CPSF7: variants seen among roughly 807,000 people sequenced by gnomAD.
CPSF7 encodes the protein cleavage and polyadenylation specific factor 7.
CPSF7 carries 1 observed loss-of-function variant against 44.3 expected under a neutral mutation model. The ratio of observed to expected loss-of-function variants is 0.02; its 90% CI spans 0.01 to 0.11. The LOEUF (loss-of-function observed/expected upper bound fraction) is 0.11, where lower values mean the gene tolerates loss of function less well. Ranked by LOEUF, CPSF7 falls within the 10% of genes least tolerant of loss-of-function variation. CPSF7 has a pLI of 1.00. For missense variants in CPSF7, 443 were observed against 607.2 expected (o/e 0.73, Z 2.84); for synonymous variants, 202 against 222.0 (o/e 0.91, Z 0.80).
chr11:61,403,265 T>C lies in CPSF7; in HGVS notation c.*1445A>G, dbSNP rs1018796802. On this transcript the variant is annotated 3_prime_UTR_variant, in exon 10 of 10. Coordinates refer to ENST00000439958, the MANE Select transcript of CPSF7 (RefSeq NM_001142565.3). ...CCCAGAAGGGTCTCTAGTGACCCTA[T>C]GTCTCACATGCCAAGTCTCATCTCA... is the stretch of plus-strand genomic sequence containing the variant. 2.1e-4 allele frequency: 32 copies of C among 152,190 alleles called. No individual in the cohort carries two copies. The highest frequency in any genetic ancestry group is 7.7e-4 in the African/African-American group (32 of 41,438). The allele number at this position is 152,190 out of a possible 1,614,324, so 9.4% of individuals were successfully genotyped here.
chr11:61,415,803 A>T lies in CPSF7; in HGVS notation c.939-19T>A. 6.7e-7 allele frequency: 1 copy of T among 1,492,012 alleles called. No individual in the cohort carries two copies. The highest frequency in any genetic ancestry group is 9.4e-7 in the Non-Finnish European group (1 of 1,068,998). 92.4% of individuals were successfully genotyped at this position (1,492,012 alleles called of 1,614,324 possible). On this transcript the variant is annotated intron_variant, in intron 6 of 9. Transcript: ENST00000439958. Reference sequence around the variant, plus strand: ...ATCTCGGCTGTACAGAGAAAATACCATCCTTGATTGCTCACATCCCTTATT... The same window carrying T: ...ATCTCGGCTGTACAGAGAAAATACCTTCCTTGATTGCTCACATCCCTTATT...
At chr11:61,424,785 A>C (rs1861198738) in intron 2 of CPSF7, among the ~76,000 whole-genome samples, 2 of 152,198 alleles carry the variant, frequency 1.3e-5, no homozygotes, top group African/African-American at 4.8e-5. Context: ...TTTTCAAATG[A>C]CACGTAAACA....
Position 61,416,359 on chromosome 11 carries a change from C to T in CPSF7, c.684G>A (p.Leu228=). The change falls in exon 6 of 10, where the codon CTG becomes CTA. Residue 228 remains leucine (L), a synonymous_variant. Transcript: ENST00000439958. ...GTGGGGGTGGAATTGGTGGTGGGGG[C>T]AGACCCATCAGGGGAAGGGCCGAAG... ...RPPSALPLMG[L]PPPPIPPPPP... is the part of the protein sequence containing the mutation. 1.2e-6 allele frequency: 2 copies of T among 1,603,542 alleles called. No homozygotes were observed. Among genetic ancestry groups the T allele is most frequent in the Non-Finnish European group, 1.7e-6 (2 of 1,174,526 alleles).
At chr11:61,428,880 G>C (rs992642456) in intron 2 of CPSF7, 11 of 212,304 alleles carry the variant, frequency 5.2e-5, no homozygotes, top group Non-Finnish European at 1.0e-4. Flanking sequence ...TTTTAAGTGT[G>C]GTTAGTCTGA....
At chr11:61,409,396 G>A (rs931747338) in intron 9 of CPSF7, among the ~76,000 whole-genome samples, 1 of 151,930 alleles carries the variant, frequency 6.6e-6, no homozygotes, top group African/African-American at 2.4e-5. Flanking sequence ...GCTTGAACCC[G>A]GGAGGTGGAG....
At chr11:61,429,467 G>A (rs1234699269) in intron 1 of CPSF7, 177 bp from the exon 2 acceptor site, 5 of 504,400 alleles carry the variant, frequency 9.9e-6, no homozygotes, top group African/African-American at 2.1e-5. Flanking sequence ...CCAGGCCGCC[G>A]GGGGTCGCTG....
At position 61,420,924 on chromosome 11, in the gene CPSF7, A is replaced by G. The variant is rs1244259722; in HGVS notation, c.274-351T>C. The stretch of plus-strand genomic sequence containing the variant: ...TGCCAGAACTTCCCCCACAGTAAAT[A>G]TACTTCCTAATTTGGAAAAACCACC... On this transcript the variant is annotated intron_variant, in intron 3 of 9. Coordinates refer to ENST00000439958, the MANE Select transcript of CPSF7 (RefSeq NM_001142565.3). The G allele has an allele frequency of 5.7e-6, 3 of 524,024 alleles. No individual in the cohort carries two copies. The East Asian group carries it at 1.6e-4, about 28-fold the overall frequency. 32.5% of individuals were successfully genotyped at this position (524,024 alleles called of 1,614,324 possible).
At chr11:61,428,632 T>C (rs1861630806) in intron 2 of CPSF7, among the ~76,000 whole-genome samples, 1 of 152,248 alleles carries the variant, frequency 6.6e-6, no homozygotes, top group Admixed American at 6.5e-5. Flanking sequence ...AGGTAACCAA[T>C]ACAATTTATT....
rs550262044 is a variant in CPSF7, at chr11:61,403,355, T to C, written c.*1355A>G. On this transcript the variant is annotated 3_prime_UTR_variant, in exon 10 of 10. Transcript: ENST00000439958. ...TGCATGCAGAAGTAGCATCACCCCA[T>C]GGGTACCGCAGGACCTCGCTGCTGC... The C allele has an allele frequency of 6.6e-6, 1 of 152,300 alleles. No individual in the cohort carries two copies. The highest frequency in any genetic ancestry group is 1.9e-4 in the East Asian group (1 of 5,182). The allele number at this position is 152,300 out of a possible 1,614,324, so 9.4% of individuals were successfully genotyped here.
At chr11:61,427,027 A>C (rs1274453500) in intron 2 of CPSF7, 3 of 89,606 alleles carry the variant, frequency 3.3e-5, no homozygotes, top group African/African-American at 1.5e-4. Flanking sequence ...ACTCTGTCTC[A>C]AAAAAAAAAA....
intron 9 of CPSF7, among the ~76,000 whole-genome samples, chr11:61,408,870 C>T (rs1053038384): frequency 6.6e-6 from 1 of 152,218 alleles, no homozygotes; most frequent in Non-Finnish European, 1.5e-5. Flanking sequence ...TTCCTGCTTT[C>T]ATTTTGCTTC....
chr11:61,417,717 A>G (rs1860470054), intron 5 of CPSF7, among the ~76,000 whole-genome samples: 1 of 152,224 alleles, frequency 6.6e-6, no homozygotes, highest in Non-Finnish European at 1.5e-5. Context: ...CAAACTGAAG[A>G]ACAAAAAGGT....
chr11:61,429,924 G>A lies in CPSF7; in HGVS notation c.-66C>T, dbSNP rs1226248332. 8.5e-6 allele frequency: 12 copies of A among 1,414,700 alleles called. No homozygotes were observed. The highest frequency in any genetic ancestry group is 2.9e-5 in the African/African-American group (2 of 68,366). 87.6% of individuals were successfully genotyped at this position (1,414,700 alleles called of 1,614,324 possible). On this transcript the variant is annotated 5_prime_UTR_variant, in exon 1 of 10. Transcript: ENST00000439958. ...GCGCGCCCCCGTTACCGGGAATATGGCGGCGGCGGCGGCGAGTCCGGACTA... is the reference window on the plus strand; with the variant it reads ...GCGCGCCCCCGTTACCGGGAATATGACGGCGGCGGCGGCGAGTCCGGACTA...
In CPSF7 at chr11:61,419,958, C is replaced by T. The variant is rs772790620; in HGVS notation, c.514G>A (p.Ala172Thr). The change falls in exon 5 of 10, where the codon GCT becomes ACT. Residue 172 changes from alanine to threonine, a missense_variant. Transcript: ENST00000439958. ...ACTCGGACACACTCACGTTTCCGAGCCTGTGCCTCAAACTGTGACAGGTTC... is the reference window on the plus strand; with the variant it reads ...ACTCGGACACACTCACGTTTCCGAGTCTGTGCCTCAAACTGTGACAGGTTC... ...RQNLSQFEAQ[A>T]RKRIPPRAHS... The T allele has an allele frequency of 2.5e-6, 4 of 1,614,076 alleles. No individual in the cohort carries two copies. In the Admixed American group the frequency reaches 6.7e-5, roughly 27 times the overall value.
chr11:61,429,461 G>A (rs1192090519), intron 1 of CPSF7, 171 bp from the exon 2 acceptor site: 1 of 512,990 alleles, frequency 1.9e-6, no homozygotes, highest in East Asian at 3.5e-5. Flanking sequence ...GCTCTCCCAG[G>A]CCGCCGGGGG....
chr11:61,421,285 C>A (rs1389917394), intron 3 of CPSF7, 105 bp downstream of exon 3: 1 of 1,097,032 alleles, frequency 9.1e-7, no homozygotes, highest in Non-Finnish European at 1.4e-6. Context: ...AAATCCAACC[C>A]CATCAGAGCA....
In CPSF7 at chr11:61,421,407, C is replaced by T. The variant is rs566231378; in HGVS notation, c.256G>A (p.Val86Met). 5 of 1,614,034 alleles carry T rather than the reference C, an allele frequency of 3.1e-6. No homozygotes were observed. Among genetic ancestry groups the T allele is most frequent in the East Asian group, 2.2e-5 (1 of 44,888 alleles). ...GLRNRRAAVY[V>M]GSFSWWTTDQ... ...ACACTCACCCAGGAGAAGCTGCCCA[C>T]ATAAACGGCAGCTCGTCTATTACGC... Residue 86 changes from valine (V) to methionine (M), a missense_variant, in exon 3 of 10, where the codon GTG becomes ATG. By Grantham distance (21) the Val-to-Met change is conservative. Transcript: ENST00000439958.
In CPSF7 at chr11:61,403,421, T is replaced by C. The variant is rs573081732; in HGVS notation, c.*1289A>G. On this transcript the variant is annotated 3_prime_UTR_variant, in exon 10 of 10. Transcript: ENST00000439958. Reference sequence around the variant, plus strand: ...CAACCACATTACAATTTGGATGTTATGGAAAAGCAATTCCATTTGCCTGTA... The same window carrying C: ...CAACCACATTACAATTTGGATGTTACGGAAAAGCAATTCCATTTGCCTGTA... 1.6e-4 allele frequency: 25 copies of C among 152,202 alleles called. No homozygotes were observed. Among genetic ancestry groups the C allele is most frequent in the African/African-American group, 6.0e-4 (25 of 41,440 alleles). 9.4% of individuals were successfully genotyped at this position (152,202 alleles called of 1,614,324 possible).
At chr11:61,417,949 A>C (rs1860491897) in intron 5 of CPSF7, among the ~76,000 whole-genome samples, 1 of 152,230 alleles carries the variant, frequency 6.6e-6, no homozygotes, top group Non-Finnish European at 1.5e-5. Flanking sequence ...CAGCAAAAAA[A>C]AGTAACATGA....
Sources: allele counts gnomAD v4.1 joint callset (sites outside exome capture counted in the v4.1 genomes callset), GRCh38; gene constraint gnomAD v4.1.1; transcripts MANE v1.5; gene names NCBI Gene and HGNC (gene_info 2026-07-23, HGNC 2026-07-21).